DMRT3: variants seen among roughly 807,000 people sequenced by gnomAD.
The protein encoded by DMRT3 is doublesex- and mab-3-related transcription factor 3.
A neutral mutation model predicts 34.9 loss-of-function variants in DMRT3; 29 were observed. That is an observed-to-expected ratio of 0.83 (90% CI 0.62 to 1.13). DMRT3 has a LOEUF of 1.13. Among genes scored for constraint, DMRT3 ranks in the 50% most tolerant of loss-of-function variants. DMRT3 has a pLI of 0.00. For missense variants in DMRT3, 772 were observed against 629.1 expected (o/e 1.23, Z -2.43); for synonymous variants, 350 against 286.0 (o/e 1.22, Z -2.26).
intron 1 of DMRT3, among the ~76,000 whole-genome samples, chr9:984,787 A>T (rs780534396): frequency 2.3e-4 from 35 of 152,176 alleles, no homozygotes; most frequent in Non-Finnish European, 4.9e-4. Context: ...TCGTGAGCAG[A>T]ATGTTTGTTT....
At position 990,141 on chromosome 9, in the gene DMRT3, G is replaced by A. The variant is rs1358930260; in HGVS notation, c.555G>A (p.Lys185=). ...TDQRSSPDVA[K]SKGCFTPESP... The stretch of plus-strand genomic sequence containing the variant: ...AGAGGAGTTCCCCAGATGTGGCAAA[G>A]AGTAAGGGCTGCTTCACCCCTGAGA... The change falls in exon 2 of 2, where the codon AAG becomes AAA. Residue 185 remains lysine (K), a synonymous_variant. Coordinates refer to ENST00000190165, the MANE Select transcript of DMRT3 (RefSeq NM_021240.4). 1.2e-6 allele frequency: 2 copies of A among 1,613,960 alleles called. No homozygotes were observed. The highest frequency in any genetic ancestry group is 3.3e-5 in the Admixed American group (2 of 59,994).
chr9:977,301 G>C lies in DMRT3; in HGVS notation c.300G>C (p.Pro100=). 1 of 1,367,160 alleles carries C rather than the reference G, an allele frequency of 7.3e-7. No homozygotes were observed. Among genetic ancestry groups the C allele is most frequent in the Non-Finnish European group, 9.5e-7 (1 of 1,055,902 alleles). 84.7% of individuals were successfully genotyped at this position (1,367,160 alleles called of 1,614,324 possible). The stretch of plus-strand genomic sequence containing the variant: ...GCGCTCTGCCAGGGCCCCCGCCGCC[G>C]GGGGACGCCGTCGCCGCCCCGCAGC... ...SLRALPGPPP[P]GDAVAAPQPP... is the part of the protein sequence containing the mutation. Residue 100 remains proline (P), a synonymous_variant, in exon 1 of 2, where the codon CCG becomes CCC. Transcript: ENST00000190165.
chr9:991,032 G>A lies in DMRT3; in HGVS notation c.*27G>A. ...GTGGTGCTGGATGGGTGGTGGCCAG[G>A]TGACATTTTCTGTGCGTTTTGACCC... On this transcript the variant is annotated 3_prime_UTR_variant, in exon 2 of 2. Transcript: ENST00000190165. 1 of 1,582,630 alleles carries A rather than the reference G, an allele frequency of 6.3e-7. No individual in the cohort carries two copies. Among genetic ancestry groups the A allele is most frequent in the African/African-American group, 1.3e-5 (1 of 74,404 alleles).
chr9:977,018 C>T lies in DMRT3; in HGVS notation c.17C>T (p.Ser6Phe). 1.3e-6 allele frequency: 2 copies of T among 1,538,310 alleles called. No individual in the cohort carries two copies. The highest frequency in any genetic ancestry group is 1.7e-6 in the Non-Finnish European group (2 of 1,144,556). Residue 6 changes from serine (S) to phenylalanine (F), a missense_variant, in exon 1 of 2, where the codon TCC becomes TTC. By Grantham distance (155) the Ser-to-Phe change is radical. Transcript: ENST00000190165. ...GCCCGGGGCATGAACGGCTACGGCT[C>T]CCCCTACCTGTACATGGGCGGCCCG... MNGYG[S>F]PYLYMGGPVS...
chr9:987,542 A>G (rs1820301417), intron 1 of DMRT3, among the ~76,000 whole-genome samples: 1 of 152,026 alleles, frequency 6.6e-6, no homozygotes, highest in Non-Finnish European at 1.5e-5. Context: ...TGCCATGAAC[A>G]TTGGTATACA....
chr9:991,649 T>C lies in DMRT3; in HGVS notation c.*644T>C, dbSNP rs760453249. 2 of 152,656 alleles carry C rather than the reference T, an allele frequency of 1.3e-5. No individual in the cohort carries two copies. Among genetic ancestry groups the C allele is most frequent in the Non-Finnish European group, 2.9e-5 (2 of 68,046 alleles). 9.5% of individuals were successfully genotyped at this position (152,656 alleles called of 1,614,324 possible). On this transcript the variant is annotated 3_prime_UTR_variant, in exon 2 of 2. Transcript: ENST00000190165. ...ACAGCTGTGAACTGCATGAAATGTA[T>C]TGTGAAACGAACACAAGATTAAGCT...
chr9:985,557 C>G (rs539520699), intron 1 of DMRT3, among the ~76,000 whole-genome samples: 1 of 152,198 alleles, frequency 6.6e-6, no homozygotes, highest in Non-Finnish European at 1.5e-5. Flanking sequence ...GGGCTCAAAA[C>G]TCACCCTCTA....
intron 1 of DMRT3, among the ~76,000 whole-genome samples, chr9:989,674 G>C (rs1050393849): frequency 6.6e-6 from 1 of 152,122 alleles, no homozygotes; most frequent in Non-Finnish European, 1.5e-5. Flanking sequence ...TGATTTTCCT[G>C]TTTCTCCCTG....
chr9:977,262 C>G lies in DMRT3; in HGVS notation c.261C>G (p.Ile87Met), dbSNP rs552693480. 1 of 1,547,328 alleles carries G rather than the reference C, an allele frequency of 6.5e-7. No homozygotes were observed. Among genetic ancestry groups the G allele is most frequent in the Non-Finnish European group, 8.7e-7 (1 of 1,143,152 alleles). The change falls in exon 1 of 2, where the codon ATC becomes ATG. Residue 87 changes from isoleucine to methionine, a missense_variant. Transcript: ENST00000190165. Reference sequence around the variant, plus strand: ...CCAACGAGAGCTTGGAGAGCCTCATCCCCGACTCGCTGCGCGCTCTGCCAG... The same window carrying G: ...CCAACGAGAGCTTGGAGAGCCTCATGCCCGACTCGCTGCGCGCTCTGCCAG... ...QQANESLESL[I>M]PDSLRALPGP...
At chr9:981,306 GTGTAA>G (rs1379278496) in intron 1 of DMRT3, among the ~76,000 whole-genome samples, 1 of 151,850 alleles carries the variant, frequency 6.6e-6, no homozygotes, top group Non-Finnish European at 1.5e-5. Context: ...GCACCTGCAA[GTGTAA>G]TGGGTGTTAC....
At position 976,908 on chromosome 9, in the gene DMRT3, A is replaced by C; in HGVS notation, c.-94A>C. The C allele has an allele frequency of 1.5e-6, 2 of 1,309,094 alleles. No homozygotes were observed. The highest frequency in any genetic ancestry group is 6.1e-5 in the East Asian group (2 of 32,958). The allele number at this position is 1,309,094 out of a possible 1,614,324, so 81.1% of individuals were successfully genotyped here. ...CGGGACCAAGGGCCGCGTCGCCCGG[A>C]GGCCGCCCCTGAGCGGGCCTCGCAG... On this transcript the variant is annotated 5_prime_UTR_variant, in exon 1 of 2. Transcript: ENST00000190165. The surrounding 1 kb of genome is among the most constrained non-coding windows in gnomAD (Gnocchi z 4.5).
At chr9:985,356 A>T (rs1325665689) in intron 1 of DMRT3, among the ~76,000 whole-genome samples, 7 of 152,204 alleles carry the variant, frequency 4.6e-5, no homozygotes, top group Non-Finnish European at 8.8e-5. Context: ...TTAGGGTTTC[A>T]GTTTCAAGAA....
In DMRT3 at chr9:990,681, A is replaced by AT; in HGVS notation, c.1095_1096insT (p.Pro366SerfsTer23). The AT allele has an allele frequency of 1.2e-6, 2 of 1,613,242 alleles. No homozygotes were observed. The highest frequency in any genetic ancestry group is 1.7e-6 in the Non-Finnish European group (2 of 1,179,884). Reference sequence around the variant, plus strand: ...CTCTGCAGCCCCCTTTCCCCCAGCCACCCCGGTACCCGCTGATGCTGAGGA... The same window carrying AT: ...CTCTGCAGCCCCCTTTCCCCCAGCCATCCCCGGTACCCGCTGATGCTGAGGA... On this transcript the variant is annotated frameshift_variant, in exon 2 of 2. Transcript: ENST00000190165. LOFTEE classifies it high-confidence loss of function.
In DMRT3 at chr9:990,475, C is replaced by G; in HGVS notation, c.889C>G (p.Arg297Gly). The G allele has an allele frequency of 6.2e-7, 1 of 1,614,152 alleles. No homozygotes were observed. Among genetic ancestry groups the G allele is most frequent in the Non-Finnish European group, 8.5e-7 (1 of 1,180,028 alleles). The change falls in exon 2 of 2, where the codon CGA (arginine) becomes GGA (glycine). Residue 297 changes from arginine to glycine, a missense_variant. Transcript: ENST00000190165. ...SSRSSVTGAE[R>G]TSAEPESLAL... ...CCGATCCTCAGTCACGGGAGCAGAG[C>G]GAACTTCCGCAGAACCTGAGAGTCT...
intron 1 of DMRT3, among the ~76,000 whole-genome samples, chr9:984,622 A>ATT (rs961918245): frequency 6.6e-6 from 1 of 150,612 alleles, no homozygotes; most frequent in African/African-American, 2.4e-5. Flanking sequence ...ATGCTCGGCT[A>ATT]TTTTTTTTTG....
At chr9:986,093 A>G (rs1007483749) in intron 1 of DMRT3, among the ~76,000 whole-genome samples, 1 of 152,224 alleles carries the variant, frequency 6.6e-6, no homozygotes, top group Non-Finnish European at 1.5e-5. Flanking sequence ...CCAGAAGTGC[A>G]TGATGCACTA....
Position 990,438 on chromosome 9 carries a change from C to T in DMRT3, c.852C>T (p.Val284=), listed in dbSNP as rs776718640. Residue 284 remains valine (V), a synonymous_variant, in exon 2 of 2, where the codon GTC becomes GTT. Transcript: ENST00000190165. The stretch of plus-strand genomic sequence containing the variant: ...GGGACCTGGTGAGCGCCGTGGAAGT[C>T]CTTCTGTCCAGCCGATCCTCAGTCA... ...CGGDLVSAVE[V]LLSSRSSVTG... 1.2e-6 allele frequency: 2 copies of T among 1,614,132 alleles called. No individual in the cohort carries two copies. The highest frequency in any genetic ancestry group is 1.7e-6 in the Non-Finnish European group (2 of 1,180,022).
chr9:978,265 A>G (rs117704723), intron 1 of DMRT3, among the ~76,000 whole-genome samples: 1 of 152,136 alleles, frequency 6.6e-6, no homozygotes, highest in Non-Finnish European at 1.5e-5. Context: ...ATCCGTTTCC[A>G]TCCAGGCCTC....
At chr9:980,375 C>A (rs1192611224) in intron 1 of DMRT3, among the ~76,000 whole-genome samples, 1 of 151,916 alleles carries the variant, frequency 6.6e-6, no homozygotes, top group African/African-American at 2.4e-5. Flanking sequence ...TTTTCATATT[C>A]TAGTGGTTTT....
Sources: gnomAD v4.1 joint callset for allele counts (sites outside exome capture counted in the v4.1 genomes callset) on GRCh38, gnomAD v4.1.1 for gene constraint, Gnocchi (gnomAD v3.1) non-coding constraint, MANE v1.5 for transcripts, NCBI Gene and HGNC (gene_info 2026-07-23, HGNC 2026-07-21) for gene names.